Variants in SEC23A observed in about 807,000 individuals in gnomAD.
SEC23A encodes SEC23 homolog A, COPII component, also known as protein transport protein Sec23A.
In SEC23A, 56 loss-of-function variants were observed where a neutral mutation model predicts 103.7. The ratio of observed to expected loss-of-function variants is 0.54; its 90% CI spans 0.44 to 0.67. SEC23A has a LOEUF of 0.67. SEC23A is among the 30% of genes least tolerant of loss of function. The pLI, the probability that SEC23A is intolerant of heterozygous loss-of-function variation, is 0.00. For missense variants in SEC23A, 784 were observed against 936.4 expected (o/e 0.84, Z 2.12); for synonymous variants, 281 against 293.0 (o/e 0.96, Z 0.42).
At chr14:39,033,841 A>G (rs1885381317) in intron 19 of SEC23A, among the ~76,000 whole-genome samples, 1 of 152,236 alleles carries the variant, frequency 6.6e-6, no homozygotes, top group Non-Finnish European at 1.5e-5. Flanking sequence ...TAAAAACTGT[A>G]TTGACAGAAT....
At chr14:39,079,189 T>C (rs1325427796) in intron 7 of SEC23A, among the ~76,000 whole-genome samples, 1 of 151,950 alleles carries the variant, frequency 6.6e-6, no homozygotes, top group Non-Finnish European at 1.5e-5. Context: ...AAACTACCAA[T>C]GAAATGAGAG....
chr14:39,074,728 G>C (rs1341994464), intron 8 of SEC23A, among the ~76,000 whole-genome samples, 198 bp from the exon 9 acceptor site: 1 of 152,114 alleles, frequency 6.6e-6, no homozygotes, highest in African/African-American at 2.4e-5. Context: ...TTCCTTGAAA[G>C]CCACTCTTTC....
chr14:39,095,901 A>G lies in SEC23A; in HGVS notation c.218T>C (p.Leu73Ser), dbSNP rs532526461. 1 of 1,605,548 alleles carries G rather than the reference A, an allele frequency of 6.2e-7. No homozygotes were observed. The highest frequency in any genetic ancestry group is 1.1e-5 in the South Asian group (1 of 90,910). ...TTTTTCTATATATTTTACTTACCAT[A>G]AAGGATTCAAAACTGCACGGCAAGT... ...RTTCRAVLNPLCQVDYRAKLW... is the reference protein window; with the variant it reads ...RTTCRAVLNPSCQVDYRAKLW... Residue 73 changes from leucine (L) to serine (S), a missense_variant, in exon 2 of 20, where the codon TTA (leucine) becomes TCA (serine). Physicochemically the swap from Leu to Ser is moderately radical, Grantham distance 145. Around this residue, in one of 2 missense-constraint regions of SEC23A, gnomAD observed 683 missense variants for 774.2 expected, o/e 0.88. Coordinates refer to ENST00000307712, the MANE Select transcript of SEC23A (RefSeq NM_006364.4).
intron 19 of SEC23A, among the ~76,000 whole-genome samples, chr14:39,035,271 G>T (rs1013521458): frequency 6.6e-6 from 1 of 152,110 alleles, no homozygotes; most frequent in Non-Finnish European, 1.5e-5. Flanking sequence ...TTAAAATATT[G>T]ACATCATTAC....
chr14:39,075,575 A>G (rs748048888), intron 8 of SEC23A, among the ~76,000 whole-genome samples: 2 of 152,346 alleles, frequency 1.3e-5, no homozygotes, highest in East Asian at 1.9e-4. Flanking sequence ...ATTCATATCT[A>G]AAGGAAAAAT....
chr14:39,093,288 T>C (rs1887726647), intron 2 of SEC23A, 44 bp from the exon 3 acceptor site: 1 of 1,490,798 alleles, frequency 6.7e-7, no homozygotes, highest in African/African-American at 1.4e-5. Context: ...CATATTTCAG[T>C]TCAATTTTAC....
Position 39,094,442 on chromosome 14 carries a change from ATTTTTT to A in SEC23A, c.222-1204_222-1199del, listed in dbSNP as rs55763808. 6.7e-3 allele frequency among the ~76,000 whole-genome samples: 65 copies of A among 9,646 alleles called. 5 individuals are homozygous for A. Among genetic ancestry groups the A allele is most frequent in the South Asian group, 0.025 (6 of 240 alleles). 6.3% of individuals were successfully genotyped at this position (9,646 alleles called of 152,430 possible). A position where few individuals can be genotyped will look rare whatever the true frequency, so the allele number is the denominator to read the frequency against. ...TATATATATATATATATATATATATATTTTTTTTTTTTTTTTTTCCCCTCCTGTAGA... is the reference window on the plus strand; with the variant it reads ...TATATATATATATATATATATATATATTTTTTTTTTTTCCCCTCCTGTAGA... On this transcript the variant is annotated intron_variant, in intron 2 of 19. Transcript: ENST00000307712.
Position 39,033,110 on chromosome 14 carries a change from G to T in SEC23A, c.*129C>A. The T allele has an allele frequency of 1.4e-6, 1 of 705,796 alleles. No homozygotes were observed. 43.7% of individuals were successfully genotyped at this position (705,796 alleles called of 1,614,324 possible). A position where few individuals can be genotyped will look rare whatever the true frequency, so the allele number is the denominator to read the frequency against. ...CAAATGTGAACATTTTCCATATGTTGTCTCAAACCATACTAATACAAAAAA... is the reference window on the plus strand; with the variant it reads ...CAAATGTGAACATTTTCCATATGTTTTCTCAAACCATACTAATACAAAAAA... On this transcript the variant is annotated 3_prime_UTR_variant, in exon 20 of 20. Transcript: ENST00000307712.
At chr14:39,079,036 T>C (rs1887130601) in intron 7 of SEC23A, among the ~76,000 whole-genome samples, 1 of 152,020 alleles carries the variant, frequency 6.6e-6, no homozygotes, top group Non-Finnish European at 1.5e-5. Flanking sequence ...AAATGTCTAG[T>C]GAAAAAATAA....
intron 15 of SEC23A, among the ~76,000 whole-genome samples, chr14:39,047,135 T>C (rs2139196987): frequency 6.6e-6 from 1 of 152,292 alleles, no homozygotes; most frequent in African/African-American, 2.4e-5. Context: ...TATCAGACTT[T>C]GAAAACCCAA....
intron 7 of SEC23A, among the ~76,000 whole-genome samples, chr14:39,084,816 G>A (rs533424956): frequency 1.3e-5 from 2 of 152,092 alleles, no homozygotes; most frequent in East Asian, 3.9e-4. Context: ...GAGTACAGGC[G>A]CCCGCCACCA....
At chr14:39,065,997 CAAAAAAAAAAAAAAAAAAAAAAA>C (rs59260008) in intron 10 of SEC23A, among the ~76,000 whole-genome samples, 2 of 80,556 alleles carry the variant, frequency 2.5e-5, no homozygotes, top group Non-Finnish European at 2.3e-5. Flanking sequence ...AACTCCATCT[CAAAAAAAAAAAAAAAAAAAAAAA>C]AAAAAAAAAA....
intron 1 of SEC23A, among the ~76,000 whole-genome samples, chr14:39,102,021 CAGG>C (rs1256042364): frequency 6.6e-6 from 1 of 152,130 alleles, no homozygotes; most frequent in Non-Finnish European, 1.5e-5. Flanking sequence ...CACCTGAGGT[CAGG>C]AGTTCGAGAC....
intron 11 of SEC23A, 162 bp downstream of exon 11, chr14:39,064,751 G>A: frequency 1.5e-6 from 1 of 655,106 alleles, no homozygotes. Context: ...TTTTTTGGGG[G>A]GATAACAGGA....
intron 1 of SEC23A, among the ~76,000 whole-genome samples, chr14:39,096,505 G>C (rs539354388): frequency 6.6e-6 from 1 of 151,012 alleles, no homozygotes; most frequent in South Asian, 2.1e-4. Context: ...ACTCCAGCCT[G>C]GGCAACAAGA....
intron 15 of SEC23A, among the ~76,000 whole-genome samples, chr14:39,045,853 T>C (rs1232935873): frequency 6.6e-6 from 1 of 152,194 alleles, no homozygotes; most frequent in Non-Finnish European, 1.5e-5. Context: ...TAAGAACATA[T>C]AAAAATAAAT....
intron 15 of SEC23A, among the ~76,000 whole-genome samples, chr14:39,046,745 G>T (rs1487688524): frequency 1.3e-5 from 2 of 152,220 alleles, no homozygotes; most frequent in South Asian, 2.1e-4. Flanking sequence ...TCACATGAAA[G>T]AAATCAAAAA....
chr14:39,078,455 C>T (rs1887114729), intron 7 of SEC23A, among the ~76,000 whole-genome samples: 1 of 152,092 alleles, frequency 6.6e-6, no homozygotes, highest in African/African-American at 2.4e-5. Flanking sequence ...TCAAAAAATA[C>T]AAAAAGCAGC....
intron 2 of SEC23A, chr14:39,094,802 G>A (rs767210605): frequency 6.5e-5 from 34 of 524,978 alleles, no homozygotes; most frequent in Non-Finnish European, 9.7e-5. Flanking sequence ...CAGAAAGAGG[G>A]TAACAGGGTT....
Sources: allele counts gnomAD v4.1 joint callset (sites outside exome capture counted in the v4.1 genomes callset), GRCh38; gene constraint gnomAD v4.1.1; regional missense constraint gnomAD v4.1.1; transcripts MANE v1.5; gene names NCBI Gene and HGNC (gene_info 2026-07-23, HGNC 2026-07-21).